The following CNTNAP3B variants were observed in gnomAD, a reference collection of about 807,000 sequenced individuals.
CNTNAP3B encodes the protein contactin associated protein family member 3B, also known as contactin-associated protein-like 3B.
CNTNAP3B carries 25 observed loss-of-function variants against 108.9 expected under a neutral mutation model. That is an observed-to-expected ratio of 0.23 (90% CI 0.17 to 0.32). CNTNAP3B has a LOEUF of 0.32. Among genes scored for constraint, CNTNAP3B ranks in the 10% least tolerant of loss-of-function variants. The pLI is 1.00. For synonymous variants in CNTNAP3B, 103 were observed against 473.4 expected, an observed-to-expected ratio of 0.22 and a Z score of 10.16; for missense variants, 252 against 1,210.4, an observed-to-expected ratio of 0.21 and a Z score of 11.75.
intron 13 of CNTNAP3B, among the ~76,000 whole-genome samples, chr9:41,945,449 A>G (rs972326397): frequency 2.0e-5 from 3 of 152,306 alleles, no homozygotes; most frequent in African/African-American, 7.2e-5. Flanking sequence ...AAAAAGGATG[A>G]GTTCATGTCC....
intron 2 of CNTNAP3B, among the ~76,000 whole-genome samples, chr9:42,103,336 C>T (rs1186922387): frequency 1.4e-5 from 2 of 147,534 alleles, no homozygotes; most frequent in Non-Finnish European, 3.0e-5. Context: ...ATAACAAATG[C>T]CAGAACATAT....
intron 14 of CNTNAP3B, among the ~76,000 whole-genome samples, chr9:41,936,109 G>A (rs1287917755): frequency 1.3e-5 from 2 of 152,296 alleles, no homozygotes; most frequent in Non-Finnish European, 2.9e-5. Flanking sequence ...GTGAAACCCA[G>A]TCTCTACTAA....
chr9:41,990,683 C>A (rs1324615524), intron 8 of CNTNAP3B, among the ~76,000 whole-genome samples: 1 of 134,332 alleles, frequency 7.4e-6, no homozygotes, highest in African/African-American at 2.9e-5. Flanking sequence ...TTTTTAAAGC[C>A]CCCATTTAGT....
chr9:42,123,561 T>A (rs1200276238), intron 1 of CNTNAP3B, among the ~76,000 whole-genome samples: 3 of 124,302 alleles, frequency 2.4e-5, no homozygotes, highest in South Asian at 2.7e-4. Flanking sequence ...AAAAGGACAG[T>A]GAAGAGATCT....
intron 12 of CNTNAP3B, among the ~76,000 whole-genome samples, chr9:41,958,642 A>T: frequency 6.6e-6 from 1 of 151,848 alleles, no homozygotes; most frequent in South Asian, 2.1e-4. Context: ...CCACCCTTAC[A>T]TGGGACAGGA....
intron 14 of CNTNAP3B, among the ~76,000 whole-genome samples, chr9:41,934,476 C>T (rs1288782743): frequency 1.3e-5 from 2 of 152,272 alleles, no homozygotes; most frequent in African/African-American, 4.8e-5. Flanking sequence ...CCGCCTCGGC[C>T]TCCCAAAGTG....
chr9:41,938,587 C>T (rs1398306332), intron 13 of CNTNAP3B, among the ~76,000 whole-genome samples, 187 bp from the exon 14 acceptor site: 3,824 of 151,186 alleles, frequency 0.025, 33 homozygotes, highest in African/African-American at 0.089. Flanking sequence ...ATGTTTTTCC[C>T]CCAATATTTC....
At chr9:42,062,799 C>A (rs1421506808) in intron 3 of CNTNAP3B, among the ~76,000 whole-genome samples, 1 of 94,240 alleles carries the variant, frequency 1.1e-5, no homozygotes, top group African/African-American at 4.0e-5. Flanking sequence ...TACTTTGTAT[C>A]TTCTGTATAT....
intron 14 of CNTNAP3B, among the ~76,000 whole-genome samples, chr9:41,936,223 G>A (rs1824152194): frequency 6.6e-6 from 1 of 152,222 alleles, no homozygotes; most frequent in African/African-American, 2.4e-5. Flanking sequence ...GTTGCAGTGA[G>A]CTGAGATCGC....
chr9:41,969,470 T>C (rs1185919388), intron 10 of CNTNAP3B, among the ~76,000 whole-genome samples: 2 of 144,678 alleles, frequency 1.4e-5, no homozygotes, highest in Non-Finnish European at 3.0e-5. Flanking sequence ...AAAAATATCA[T>C]CCAACTGATG....
intron 3 of CNTNAP3B, among the ~76,000 whole-genome samples, chr9:42,037,628 T>C (rs1826660156): frequency 1.1e-5 from 1 of 90,380 alleles, no homozygotes; most frequent in Non-Finnish European, 2.1e-5. Context: ...TATGGGACTA[T>C]GTGAAAAGAC....
At chr9:42,014,479 T>G (rs1826185252) in intron 3 of CNTNAP3B, among the ~76,000 whole-genome samples, 1 of 95,906 alleles carries the variant, frequency 1.0e-5, no homozygotes, top group East Asian at 5.8e-4. Context: ...GCCTAATTAT[T>G]TTGCTGTACT....
intron 14 of CNTNAP3B, among the ~76,000 whole-genome samples, chr9:41,930,355 C>A (rs1175361236): frequency 1.3e-5 from 2 of 152,292 alleles, no homozygotes; most frequent in Admixed American, 6.5e-5. Flanking sequence ...CCAGCCTGGG[C>A]AACATAGTGA....
chr9:41,976,797 C>A (rs993598465), intron 9 of CNTNAP3B, among the ~76,000 whole-genome samples: 1 of 107,454 alleles, frequency 9.3e-6, no homozygotes, highest in African/African-American at 3.9e-5. Context: ...TGCAGGCCTG[C>A]AGTCCCAGCT....
At chr9:41,950,342 A>G (rs1228610018) in intron 13 of CNTNAP3B, among the ~76,000 whole-genome samples, 1 of 131,536 alleles carries the variant, frequency 7.6e-6, no homozygotes, top group East Asian at 2.2e-4. Flanking sequence ...TATAAAACTA[A>G]GTATGCAATT....
chr9:41,962,703 C>T (rs1169041664), intron 11 of CNTNAP3B, among the ~76,000 whole-genome samples: 1 of 146,264 alleles, frequency 6.8e-6, no homozygotes, highest in Non-Finnish European at 1.5e-5. Context: ...TGCCTGTAAT[C>T]CCAGCGCTTC....
chr9:41,961,253 T>C (rs1200376995), intron 11 of CNTNAP3B, among the ~76,000 whole-genome samples: 3 of 152,298 alleles, frequency 2.0e-5, no homozygotes, highest in African/African-American at 4.8e-5. Flanking sequence ...CTATCTTCAA[T>C]AGACAATCTT....
In CNTNAP3B at chr9:42,129,208, G is replaced by C. The variant is rs1317283529; in HGVS notation, c.-114C>G. The C allele has an allele frequency of 1.4e-6, 2 of 1,410,436 alleles. No individual in the cohort carries two copies. Among genetic ancestry groups the C allele is most frequent in the South Asian group, 1.3e-5 (1 of 74,144 alleles). The allele number at this position is 1,410,436 out of a possible 1,614,324, so 87.4% of individuals were successfully genotyped here. A position where few individuals can be genotyped will look rare whatever the true frequency, so the allele number is the denominator to read the frequency against. On this transcript the variant is annotated 5_prime_UTR_variant, in exon 1 of 24. Coordinates refer to ENST00000377561, the MANE Select transcript of CNTNAP3B (RefSeq NM_001201380.3). Reference sequence around the variant, plus strand: ...CCCTGCGCGGCTCCGACGCTGCTCTGTCTCCCCTGTCCAGTCTCTAGCTCT... The same window carrying C: ...CCCTGCGCGGCTCCGACGCTGCTCTCTCTCCCCTGTCCAGTCTCTAGCTCT...
intron 1 of CNTNAP3B, among the ~76,000 whole-genome samples, chr9:42,124,846 G>T (rs1285501872): frequency 1.5e-5 from 2 of 135,874 alleles, no homozygotes; most frequent in Admixed American, 1.5e-4. Flanking sequence ...ATATATAAAT[G>T]AACTGTTATT....
Sources: allele counts gnomAD v4.1 joint callset (sites outside exome capture counted in the v4.1 genomes callset), GRCh38; gene constraint gnomAD v4.1.1; transcripts MANE v1.5; gene names NCBI Gene and HGNC (gene_info 2026-07-23, HGNC 2026-07-21).